The following NBAS variants were observed in gnomAD, a reference collection of about 807,000 sequenced individuals.
NBAS encodes the protein NAG/BC035112 fusion.
A neutral mutation model predicts 302.5 loss-of-function variants in NBAS; 219 were observed. The observed-to-expected ratio is 0.72, with a 90% CI of 0.65 to 0.81. NBAS has a LOEUF of 0.81. Among genes scored for constraint, NBAS ranks in the 30% least tolerant of loss-of-function variants. The probability of loss-of-function intolerance (pLI) is 0.00; values close to 1 mark genes in which losing one functional copy is unlikely to be tolerated. For synonymous variants in NBAS, 1,118 were observed against 1,021.6 expected, an observed-to-expected ratio of 1.09 and a Z score of -1.80; for missense variants, 2,932 against 2,841.6, an observed-to-expected ratio of 1.03 and a Z score of -0.72.
downstream of NBAS, among the ~76,000 whole-genome samples, chr2:15,162,293 C>T (rs1486028164): frequency 6.6e-6 from 1 of 152,166 alleles, no homozygotes; most frequent in Admixed American, 6.5e-5. Context: ...GCTCCCTCCC[C>T]TTTCACTAGT....
At chr2:14,780,072 T>C in the NBAS span, among the ~76,000 whole-genome samples, 1 of 152,160 alleles carries the variant, frequency 6.6e-6, no homozygotes, top group Non-Finnish European at 1.5e-5. Flanking sequence ...AGAGCAGAAC[T>C]GAAAGAAAGG....
At chr2:15,457,093 A>C (rs1301714075) in intron 21 of NBAS, among the ~76,000 whole-genome samples, 2 of 152,168 alleles carry the variant, frequency 1.3e-5, no homozygotes, top group African/African-American at 4.8e-5. Context: ...AGGCTTGGCA[A>C]GGTCAAGGAA....
At chr2:14,864,249 A>G in the NBAS span, among the ~76,000 whole-genome samples, 5 of 147,584 alleles carry the variant, frequency 3.4e-5, no homozygotes, top group Non-Finnish European at 6.0e-5. Context: ...CCCAGGAGGT[A>G]GGAGGAGGTT....
the NBAS span, among the ~76,000 whole-genome samples, chr2:14,905,809 T>C: frequency 2.4e-3 from 366 of 152,272 alleles, 2 homozygotes; most frequent in African/African-American, 7.6e-3. Flanking sequence ...TTACAATGCC[T>C]TCATTATGTA....
In NBAS at chr2:15,218,628, C is replaced by T. The variant is rs540428443; in HGVS notation, c.6432+145G>A. ...TAGAGATGGGGTTTTGTCATGTTGG[C>T]CAGGTGCCAGGCTGGTCTTGAACTC... On this transcript the variant is annotated intron_variant, in intron 48 of 51. Transcript: ENST00000281513. 90 of 981,912 alleles carry T rather than the reference C, an allele frequency of 9.2e-5. No individual in the cohort carries two copies. In the Admixed American group the frequency reaches 1.6e-3, roughly 18 times the overall value. 60.8% of individuals were successfully genotyped at this position (981,912 alleles called of 1,614,324 possible).
intron 25 of NBAS, among the ~76,000 whole-genome samples, chr2:15,414,335 T>C (rs1676819080): frequency 6.6e-6 from 1 of 152,192 alleles, no homozygotes; most frequent in African/African-American, 2.4e-5. Context: ...CAGCCAGAAT[T>C]TAGAATTGGA....
chr2:14,944,095 C>T, the NBAS span, among the ~76,000 whole-genome samples: 2 of 152,260 alleles, frequency 1.3e-5, no homozygotes, highest in Admixed American at 6.5e-5. Context: ...GTCAGGAGAT[C>T]GAGACCATCC....
Position 15,240,783 on chromosome 2 carries a change from C to A in NBAS, c.5725-2097G>T, listed in dbSNP as rs143361372. ...TCCCCACTTCTTACCAGATTTCTGGCTCTAAGCCATTAAAAAAATCAGAGC... is the reference window on the plus strand; with the variant it reads ...TCCCCACTTCTTACCAGATTTCTGGATCTAAGCCATTAAAAAAATCAGAGC... On this transcript the variant is annotated intron_variant, in intron 44 of 51. Coordinates refer to ENST00000281513, the MANE Select transcript of NBAS (RefSeq NM_015909.4). Among the ~76,000 whole-genome samples, 784 of 152,288 alleles carry A rather than the reference C, an allele frequency of 5.1e-3. 3 individuals carry two copies. Among genetic ancestry groups the A allele is most frequent in the African/African-American group, 0.016 (672 of 41,570 alleles).
intron 47 of NBAS, among the ~76,000 whole-genome samples, chr2:15,221,328 A>C (rs2147894456): frequency 6.6e-6 from 1 of 152,318 alleles, no homozygotes. Context: ...TGTCACCTGG[A>C]GTCTGTGAAA....
At chr2:14,872,620 A>G in the NBAS span, among the ~76,000 whole-genome samples, 1 of 151,600 alleles carries the variant, frequency 6.6e-6, no homozygotes, top group East Asian at 1.9e-4. Context: ...GCAGACCTTT[A>G]GACCTTCGGG....
At chr2:15,557,306 T>G (rs1007212082) in intron 2 of NBAS, among the ~76,000 whole-genome samples, 1 of 152,134 alleles carries the variant, frequency 6.6e-6, no homozygotes, top group African/African-American at 2.4e-5. Context: ...TCATCCTAAA[T>G]GTACATGTAT....
At position 15,542,600 on chromosome 2, in the gene NBAS, C is replaced by T. The variant is rs558553658; in HGVS notation, c.380-3244G>A. 2.9e-3 allele frequency among the ~76,000 whole-genome samples: 430 copies of T among 147,446 alleles called. 3 individuals are homozygous for T. The highest frequency in any genetic ancestry group is 5.0e-3 in the Non-Finnish European group (338 of 67,100). On this transcript the variant is annotated intron_variant, in intron 6 of 51. Transcript: ENST00000281513. Reference sequence around the variant, plus strand: ...TGTGACCCTGCCAAATCCCCCTCTGCGAGAAACACCCAAGAATGATCAATA... The same window carrying T: ...TGTGACCCTGCCAAATCCCCCTCTGTGAGAAACACCCAAGAATGATCAATA...
intron 6 of NBAS, among the ~76,000 whole-genome samples, chr2:15,549,466 T>C (rs1240638551): frequency 6.6e-6 from 1 of 151,984 alleles, no homozygotes; most frequent in African/African-American, 2.4e-5. Flanking sequence ...CAGTGGCTCA[T>C]GCCTGTAATG....
At chr2:15,363,051 C>T (rs551007314) in intron 32 of NBAS, among the ~76,000 whole-genome samples, 7 of 152,136 alleles carry the variant, frequency 4.6e-5, no homozygotes, top group African/African-American at 9.6e-5. Context: ...AGTGAGACCC[C>T]GTCTCTGTAA....
chr2:14,896,390 A>G, the NBAS span, among the ~76,000 whole-genome samples: 2 of 152,118 alleles, frequency 1.3e-5, no homozygotes, highest in Non-Finnish European at 2.9e-5. Flanking sequence ...GAAATTTAAG[A>G]GCGGTTTTAT....
chr2:15,296,336 G>A (rs960343173), intron 40 of NBAS, among the ~76,000 whole-genome samples: 2 of 152,034 alleles, frequency 1.3e-5, no homozygotes, highest in Non-Finnish European at 2.9e-5. Context: ...GTCAGGAGTT[G>A]AAGACCAACC....
chr2:15,249,211 A>C (rs1320840682), intron 44 of NBAS, among the ~76,000 whole-genome samples: 5 of 151,640 alleles, frequency 3.3e-5, no homozygotes, highest in African/African-American at 4.9e-5. Flanking sequence ...CAATGAAAAA[A>C]ACCACATGAT....
At chr2:14,919,533 T>C in the NBAS span, among the ~76,000 whole-genome samples, 1 of 152,240 alleles carries the variant, frequency 6.6e-6, no homozygotes, top group African/African-American at 2.4e-5. Context: ...TTACAAAATA[T>C]GTTTCTGCAG....
chr2:14,934,567 A>G, the NBAS span, among the ~76,000 whole-genome samples: 1 of 152,192 alleles, frequency 6.6e-6, no homozygotes, highest in African/African-American at 2.4e-5. Flanking sequence ...CCAAGCAACA[A>G]TGTCAAATGA....
Sources: gnomAD v4.1 joint callset for allele counts (sites outside exome capture counted in the v4.1 genomes callset) on GRCh38, gnomAD v4.1.1 for gene constraint, MANE v1.5 for transcripts, NCBI Gene and HGNC (gene_info 2026-07-23, HGNC 2026-07-21) for gene names.